ADK: variants seen among roughly 807,000 people sequenced by gnomAD.
ADK encodes the protein adenosine kinase.
In ADK, 24 loss-of-function variants were observed where a neutral mutation model predicts 44.7. That is an observed-to-expected ratio of 0.54 (90% CI 0.39 to 0.76). The LOEUF (loss-of-function observed/expected upper bound fraction) is 0.76, where lower values mean the gene tolerates loss of function less well. Among genes scored for constraint, ADK ranks in the 30% least tolerant of loss-of-function variants. The probability of loss-of-function intolerance (pLI) is 0.00; values close to 1 mark genes in which losing one functional copy is unlikely to be tolerated. For synonymous variants in ADK, 128 were observed against 142.6 expected, an observed-to-expected ratio of 0.90 and a Z score of 0.73; for missense variants, 321 against 425.1, an observed-to-expected ratio of 0.76 and a Z score of 2.15.
chr10:74,375,034 T>C (rs1243278683), intron 4 of ADK, among the ~76,000 whole-genome samples: 1 of 152,062 alleles, frequency 6.6e-6, no homozygotes, highest in Non-Finnish European at 1.5e-5. Context: ...ATAATAAGAG[T>C]CTCTTGGATT....
chr10:74,296,512 G>C (rs186389572), intron 3 of ADK, among the ~76,000 whole-genome samples: 112 of 152,032 alleles, frequency 7.4e-4, no homozygotes, highest in Non-Finnish European at 1.0e-3. Flanking sequence ...AAGTTATAGA[G>C]AATAGGCGCT....
intron 7 of ADK, among the ~76,000 whole-genome samples, chr10:74,532,392 C>T (rs1193194232): frequency 6.7e-6 from 1 of 150,256 alleles, no homozygotes; most frequent in Non-Finnish European, 1.5e-5. Flanking sequence ...GCAGGAGAAT[C>T]GCTTGAACTG....
intron 9 of ADK, among the ~76,000 whole-genome samples, chr10:74,626,290 T>TAAAG (rs1198053893): frequency 6.6e-6 from 1 of 151,514 alleles, no homozygotes; most frequent in Non-Finnish European, 1.5e-5. Context: ...ATGTCTTCAC[T>TAAAG]AAAGAGTCTA....
At chr10:74,196,127 C>T (rs1843139583) in intron 1 of ADK, among the ~76,000 whole-genome samples, 1 of 151,542 alleles carries the variant, frequency 6.6e-6, no homozygotes, top group African/African-American at 2.4e-5. Context: ...ATTATTTTCT[C>T]CTCACTGCTG....
rs557371140 is a variant in ADK, at chr10:74,177,237, G to A, written c.66-23527G>A. Among the ~76,000 whole-genome samples the A allele has an allele frequency of 2.6e-5, 4 of 152,278 alleles. No individual in the cohort carries two copies. The South Asian group carries it at 8.3e-4, about 32-fold the overall frequency. On this transcript the variant is annotated intron_variant, in intron 1 of 10. Transcript: ENST00000539909. ...GGCCGGAGGGAGCGTGGCGTGCACA[G>A]TGTGTGTCATGCCTGCGTGTCATGC...
intron 7 of ADK, among the ~76,000 whole-genome samples, chr10:74,587,901 C>A (rs150469491): frequency 0.017 from 2,521 of 151,852 alleles, 41 homozygotes; most frequent in Non-Finnish European, 0.029. Context: ...GTTATAAGAG[C>A]CTTAGGGTAT....
chr10:74,559,083 T>C (rs549570874), intron 7 of ADK, among the ~76,000 whole-genome samples: 3 of 152,378 alleles, frequency 2.0e-5, no homozygotes, highest in East Asian at 3.9e-4. Flanking sequence ...GTCTGGCTTC[T>C]TCCCTCTCAG....
At chr10:74,272,902 A>C (rs952529739) in intron 3 of ADK, among the ~76,000 whole-genome samples, 3 of 152,190 alleles carry the variant, frequency 2.0e-5, no homozygotes, top group African/African-American at 7.2e-5. Context: ...ACCTCTCACA[A>C]GGTCCTTATA....
Position 74,691,700 on chromosome 10 carries a change from T to C in ADK, c.965-16621T>C, listed in dbSNP as rs899377589. On this transcript the variant is annotated intron_variant, in intron 10 of 10. Coordinates refer to ENST00000539909, the MANE Select transcript of ADK (RefSeq NM_006721.4). ...GACCATAAACATACAACAAAGTAAG[T>C]TGACAAAGCACGCAACAGATCAATG... is the stretch of plus-strand genomic sequence containing the variant. Among the ~76,000 whole-genome samples, 10 of 52,708 alleles carry C rather than the reference T, an allele frequency of 1.9e-4. No homozygotes were observed. The South Asian group carries it at 4.0e-3, about 21-fold the overall frequency. The allele number at this position is 52,708 out of a possible 152,430, so 34.6% of individuals were successfully genotyped here.
In ADK at chr10:74,176,649, G is replaced by A. The variant is rs970650462; in HGVS notation, c.66-24115G>A. ...GACACGCGGTGGCCCACGGCGTCTG[G>A]GGACGATCTCCAGCCCTTCGCACGG... On this transcript the variant is annotated intron_variant, in intron 1 of 10. Coordinates refer to ENST00000539909, the MANE Select transcript of ADK (RefSeq NM_006721.4). 5 of 1,411,822 alleles carry A rather than the reference G, an allele frequency of 3.5e-6. No homozygotes were observed. The African/African-American group carries it at 4.4e-5, about 13-fold the overall frequency. 87.5% of individuals were successfully genotyped at this position (1,411,822 alleles called of 1,614,324 possible).
intron 6 of ADK, among the ~76,000 whole-genome samples, chr10:74,447,524 G>T (rs1845627813): frequency 1.3e-5 from 2 of 152,134 alleles, no homozygotes; most frequent in Admixed American, 6.5e-5. Context: ...TGTTTTAATT[G>T]CCTGTAGTTC....
chr10:74,592,186 A>G (rs376389016), intron 8 of ADK, among the ~76,000 whole-genome samples: 2 of 152,138 alleles, frequency 1.3e-5, no homozygotes, highest in South Asian at 2.1e-4. Flanking sequence ...GGAAAATTGC[A>G]TAGTGCCTGA....
intron 6 of ADK, among the ~76,000 whole-genome samples, chr10:74,490,661 C>A (rs1260275309): frequency 6.6e-6 from 1 of 152,070 alleles, no homozygotes; most frequent in Non-Finnish European, 1.5e-5. Flanking sequence ...AGGAAAGTGG[C>A]CCAAAGTCCA....
rs12412071 is a variant in ADK, at chr10:74,409,954, C to T, written c.555+11375C>T. On this transcript the variant is annotated intron_variant, in intron 6 of 10. Coordinates refer to ENST00000539909, the MANE Select transcript of ADK (RefSeq NM_006721.4). ...TTTCTTAGTAAAACTTTCATTTATA[C>T]TCAGTTACAATTAAATATCTTTATC... 3.0e-3 allele frequency among the ~76,000 whole-genome samples: 463 copies of T among 152,170 alleles called. 6 individuals carry two copies. The highest frequency in any genetic ancestry group is 0.018 in the East Asian group (93 of 5,180).
chr10:74,151,570 C>T (rs1440586375), intron 1 of ADK, among the ~76,000 whole-genome samples: 1 of 152,220 alleles, frequency 6.6e-6, no homozygotes, highest in Non-Finnish European at 1.5e-5. Flanking sequence ...AGCAGCCCTT[C>T]GCCAGTCGTG....
At chr10:74,497,171 A>G (rs1847722410) in intron 6 of ADK, among the ~76,000 whole-genome samples, 1 of 152,170 alleles carries the variant, frequency 6.6e-6, no homozygotes, top group Non-Finnish European at 1.5e-5. Flanking sequence ...CTTTGTCCCA[A>G]AAAATAATAT....
intron 4 of ADK, among the ~76,000 whole-genome samples, chr10:74,334,835 A>C (rs756500000): frequency 6.6e-6 from 1 of 152,088 alleles, no homozygotes; most frequent in South Asian, 2.1e-4. Context: ...AATTGCAGTC[A>C]AGGACCCAGC....
intron 9 of ADK, among the ~76,000 whole-genome samples, chr10:74,661,015 G>A (rs1261295727): frequency 6.6e-6 from 1 of 151,810 alleles, no homozygotes; most frequent in African/African-American, 2.4e-5. Context: ...CTGGGTGACA[G>A]AGCAAGACTC....
At chr10:74,371,445 G>A (rs1340731434) in intron 4 of ADK, 4 of 624,616 alleles carry the variant, frequency 6.4e-6, no homozygotes, top group African/African-American at 5.5e-5. Context: ...TCTATTAGAA[G>A]TAATAAATGG....
Sources: gnomAD v4.1 joint callset for allele counts (sites outside exome capture counted in the v4.1 genomes callset) on GRCh38, gnomAD v4.1.1 for gene constraint, MANE v1.5 for transcripts, NCBI Gene and HGNC (gene_info 2026-07-23, HGNC 2026-07-21) for gene names.